RAB6B: variants seen among roughly 807,000 people sequenced by gnomAD.
RAB6B encodes RAB6B, member RAS oncogene family.
RAB6B carries 7 observed loss-of-function variants against 31.2 expected under a neutral mutation model. The ratio of observed to expected loss-of-function variants is 0.22; its 90% confidence interval spans 0.13 to 0.42. The LOEUF (loss-of-function observed/expected upper bound fraction) is 0.42. Among genes scored for constraint, RAB6B ranks in the 10% least tolerant of loss-of-function variants. RAB6B has a pLI of 1.00. For synonymous variants in RAB6B, 105 were observed against 104.9 expected, an observed-to-expected ratio of 1.00 and a Z score of -0.01; for missense variants, 149 against 280.6, an observed-to-expected ratio of 0.53 and a Z score of 3.35.
chr3:133,878,213 T>A (rs1295015355), intron 1 of RAB6B, among the ~76,000 whole-genome samples: 12 of 151,776 alleles, frequency 7.9e-5, no homozygotes, highest in Admixed American at 7.9e-4. Flanking sequence ...ACAGGAAACA[T>A]AAAGGAAATT....
At chr3:133,889,442 A>ATT (rs1170835847) in intron 1 of RAB6B, among the ~76,000 whole-genome samples, 22 of 87,856 alleles carry the variant, frequency 2.5e-4, no homozygotes, top group African/African-American at 7.1e-4. Flanking sequence ...ATATATATAT[A>ATT]TATTTATTTT....
At chr3:133,852,085 G>A (rs1935992802) in intron 2 of RAB6B, among the ~76,000 whole-genome samples, 3 of 152,232 alleles carry the variant, frequency 2.0e-5, no homozygotes, top group Admixed American at 2.0e-4. Context: ...GGTTTTGCGA[G>A]GCAGCTGGGC....
chr3:133,854,053 T>C (rs982889442), intron 2 of RAB6B, among the ~76,000 whole-genome samples: 6 of 152,180 alleles, frequency 3.9e-5, no homozygotes, highest in African/African-American at 1.4e-4. Context: ...ATAGCCTCTT[T>C]AGTAAAGCCT....
At chr3:133,889,417 T>C (rs1936602137) in intron 1 of RAB6B, among the ~76,000 whole-genome samples, 1 of 59,342 alleles carries the variant, frequency 1.7e-5, no homozygotes, top group Non-Finnish European at 3.4e-5. Context: ...TATATATATA[T>C]ATATATATAT....
At chr3:133,889,591 T>G (rs1028282560) in intron 1 of RAB6B, among the ~76,000 whole-genome samples, 4 of 151,624 alleles carry the variant, frequency 2.6e-5, no homozygotes, top group African/African-American at 9.7e-5. Flanking sequence ...TGCGCCACCA[T>G]GCCTGGCTAA....
chr3:133,858,326 T>C (rs1936110975), intron 2 of RAB6B, among the ~76,000 whole-genome samples: 1 of 152,252 alleles, frequency 6.6e-6, no homozygotes, highest in Non-Finnish European at 1.5e-5. Flanking sequence ...TATACCAATG[T>C]AGCTGTAAAA....
chr3:133,827,746 ACCC>A lies in RAB6B; in HGVS notation c.*1039_*1041del, dbSNP rs55951806. 0.12 allele frequency: 9,017 copies of A among 73,154 alleles called. 527 individuals carry two copies. The highest frequency in any genetic ancestry group is 0.22 in the East Asian group (490 of 2,228). The allele number at this position is 73,154 out of a possible 1,614,324, so 4.5% of individuals were successfully genotyped here. ...TCAAGGTGGTGGTTCTGCAGACAACACCCCCCCCCCCCCCCGCCTCCCCATCAC... is the reference window on the plus strand; with the variant it reads ...TCAAGGTGGTGGTTCTGCAGACAACACCCCCCCCCCCCGCCTCCCCATCAC... On this transcript the variant is annotated 3_prime_UTR_variant, in exon 8 of 8. Coordinates refer to ENST00000285208, the MANE Select transcript of RAB6B (RefSeq NM_016577.4).
chr3:133,876,816 T>A (rs1576407912), intron 1 of RAB6B, among the ~76,000 whole-genome samples: 1 of 152,014 alleles, frequency 6.6e-6, no homozygotes, highest in East Asian at 1.9e-4. Context: ...TGGATGAACA[T>A]CCCAGATGAA....
chr3:133,827,752 C>CCCCA lies in RAB6B; in HGVS notation c.*1035_*1036insTGGG. The CCCCA allele has an allele frequency of 1.2e-5, 1 of 86,244 alleles. No individual in the cohort carries two copies. Among genetic ancestry groups the CCCCA allele is most frequent in the Non-Finnish European group, 3.7e-5 (1 of 27,062 alleles). 5.3% of individuals were successfully genotyped at this position (86,244 alleles called of 1,614,324 possible). On this transcript the variant is annotated 3_prime_UTR_variant, in exon 8 of 8. Transcript: ENST00000285208. ...TGGTGGTTCTGCAGACAACACCCCCCCCCCCCCCCGCCTCCCCATCACAGA... is the reference window on the plus strand; with the variant it reads ...TGGTGGTTCTGCAGACAACACCCCCCCCCACCCCCCCCCGCCTCCCCATCACAGA...
intron 2 of RAB6B, among the ~76,000 whole-genome samples, chr3:133,854,089 A>G (rs921590304): frequency 6.6e-6 from 1 of 152,216 alleles, no homozygotes; most frequent in Non-Finnish European, 1.5e-5. Flanking sequence ...GGCAAATAAA[A>G]GGCTCTGATG....
chr3:133,880,761 A>C (rs1454091377), intron 1 of RAB6B, among the ~76,000 whole-genome samples: 1 of 140,540 alleles, frequency 7.1e-6, no homozygotes, highest in Non-Finnish European at 1.6e-5. Flanking sequence ...GCCCCTGCAG[A>C]GCCAGGTGGT....
rs1193750487 is a variant in RAB6B, at chr3:133,892,002, C to CCA, written c.70+3393_70+3394dup. Among the ~76,000 whole-genome samples the CCA allele has an allele frequency of 2.6e-5, 4 of 152,292 alleles. No individual in the cohort carries two copies. The South Asian group carries it at 6.2e-4, about 24-fold the overall frequency. ...GCAGACGCATCCCTGACCCTTCCCA[C>CCA]CACACACACTGAGATGTGCCAAGTG... On this transcript the variant is annotated intron_variant, in intron 1 of 7. Coordinates refer to ENST00000285208, the MANE Select transcript of RAB6B (RefSeq NM_016577.4).
chr3:133,853,915 T>C (rs567753670), intron 2 of RAB6B, among the ~76,000 whole-genome samples: 26 of 152,282 alleles, frequency 1.7e-4, no homozygotes, highest in African/African-American at 4.6e-4. Flanking sequence ...ACCCACCCCA[T>C]GGAGACTCTC....
At chr3:133,883,801 C>G (rs1183905000) in intron 1 of RAB6B, among the ~76,000 whole-genome samples, 1 of 152,220 alleles carries the variant, frequency 6.6e-6, no homozygotes, top group Non-Finnish European at 1.5e-5. Context: ...AAAGGTTTTC[C>G]TTATCTCTAG....
rs563047638 is a variant in RAB6B at position 133,841,932 on chromosome 3, G to A, written c.130-269C>T. Reference sequence around the variant, plus strand: ...GCTTCAGAAGCAGTGAGAGCGCAGTGGTGAGGAGGCCTCCCCAGGAGCAAG... The same window carrying A: ...GCTTCAGAAGCAGTGAGAGCGCAGTAGTGAGGAGGCCTCCCCAGGAGCAAG... On this transcript the variant is annotated intron_variant, in intron 2 of 7. Transcript: ENST00000285208. Among the ~76,000 whole-genome samples, 4 of 152,314 alleles carry A rather than the reference G, an allele frequency of 2.6e-5. No individual in the cohort carries two copies. In the East Asian group the frequency reaches 7.7e-4, roughly 29 times the overall value.
chr3:133,855,722 A>G (rs1936065728), intron 2 of RAB6B, among the ~76,000 whole-genome samples: 1 of 152,166 alleles, frequency 6.6e-6, no homozygotes, highest in South Asian at 2.1e-4. Context: ...ATGAATTAGG[A>G]GAGATTACTA....
At chr3:133,879,801 G>C (rs1936442095) in intron 1 of RAB6B, among the ~76,000 whole-genome samples, 2 of 152,164 alleles carry the variant, frequency 1.3e-5, no homozygotes, top group African/African-American at 2.4e-5. Flanking sequence ...AAAAGGAGCA[G>C]GATCTTTCCT....
intron 2 of RAB6B, among the ~76,000 whole-genome samples, chr3:133,856,098 T>C (rs191096697): frequency 1.3e-5 from 2 of 152,182 alleles, no homozygotes; most frequent in East Asian, 2.0e-4. Flanking sequence ...AGGGGCCTGA[T>C]GGTAGCACCA....
intron 4 of RAB6B, among the ~76,000 whole-genome samples, chr3:133,840,658 G>C (rs530443647): frequency 3.8e-4 from 58 of 152,302 alleles, no homozygotes; most frequent in Middle Eastern, 3.4e-3. Context: ...GGGCTTATCA[G>C]GTGTGTTCCA....
Sources: allele counts gnomAD v4.1 joint callset (sites outside exome capture counted in the v4.1 genomes callset), GRCh38; gene constraint gnomAD v4.1.1; transcripts MANE v1.5; gene names NCBI Gene and HGNC (gene_info 2026-07-23, HGNC 2026-07-21).